The following STYK1 variants were observed in gnomAD, a reference collection of about 807,000 sequenced individuals.
STYK1 encodes tyrosine-protein kinase STYK1.
A neutral mutation model predicts 48.1 loss-of-function variants in STYK1; 46 were observed. The ratio of observed to expected loss-of-function variants is 0.96; its 90% CI spans 0.75 to 1.22. The LOEUF is 1.22. STYK1 is among the 50% of genes most tolerant of loss of function. STYK1 has a pLI of 0.00. For missense variants in STYK1, 527 were observed against 521.1 expected (o/e 1.01, Z -0.11); for synonymous variants, 188 against 189.0 (o/e 0.99, Z 0.04).
intron 1 of STYK1, among the ~76,000 whole-genome samples, chr12:10,645,913 T>C (rs1234144848): frequency 6.6e-6 from 1 of 152,204 alleles, no homozygotes; most frequent in African/African-American, 2.4e-5. Context: ...GGAGTTTCCT[T>C]GCACAAGTTC....
Position 10,654,135 on chromosome 12 carries a change from C to T in STYK1, c.-194-16939G>A, listed in dbSNP as rs923802797. ...TGCTAAGAGACACTCCCACCAGTGT[C>T]CTGACAGTTTACAAATGCCACAGAA... is the stretch of plus-strand genomic sequence containing the variant. On this transcript the variant is annotated intron_variant, in intron 1 of 10. Transcript: ENST00000075503. 2.6e-5 allele frequency among the ~76,000 whole-genome samples: 4 copies of T among 152,310 alleles called. 1 individual carries two copies. In the Middle Eastern group the frequency reaches 0.01, roughly 389 times the overall value.
chr12:10,630,030 G>A (rs1227325206), intron 5 of STYK1, among the ~76,000 whole-genome samples: 1 of 141,026 alleles, frequency 7.1e-6, no homozygotes, highest in African/African-American at 2.9e-5. Context: ...ATATCATGAA[G>A]AGGAGAGAGA....
intron 4 of STYK1, 47 bp downstream of exon 4, chr12:10,633,943 C>T (rs1565563166): frequency 6.3e-7 from 1 of 1,593,968 alleles, no homozygotes; most frequent in South Asian, 1.1e-5. Context: ...TTTTCCTAAT[C>T]TCCATCTTCT....
intron 1 of STYK1, among the ~76,000 whole-genome samples, chr12:10,666,130 A>G (rs1947831356): frequency 6.6e-6 from 1 of 152,196 alleles, no homozygotes; most frequent in Non-Finnish European, 1.5e-5. Context: ...AAGAGGTGTC[A>G]AAGAGCATGT....
rs993916546 is a variant in STYK1, at chr12:10,619,003, G to C, written c.*1141C>G. 1.3e-5 allele frequency: 2 copies of C among 152,208 alleles called. No individual in the cohort carries two copies. The highest frequency in any genetic ancestry group is 3.9e-4 in the East Asian group (2 of 5,188). 9.4% of individuals were successfully genotyped at this position (152,208 alleles called of 1,614,324 possible). ...TAGTGTACAAATACATACTCAAAAC[G>C]TATCAATCCTCAGAACAACCTTGTG... On this transcript the variant is annotated 3_prime_UTR_variant, in exon 11 of 11. Transcript: ENST00000075503.
At chr12:10,647,758 G>A (rs1422535303) in intron 1 of STYK1, among the ~76,000 whole-genome samples, 3 of 152,112 alleles carry the variant, frequency 2.0e-5, no homozygotes, top group Non-Finnish European at 4.4e-5. Context: ...TTGAAACATG[G>A]GGGCAGGTCT....
At chr12:10,630,819 A>T (rs548325219) in intron 5 of STYK1, among the ~76,000 whole-genome samples, 2 of 152,162 alleles carry the variant, frequency 1.3e-5, no homozygotes, top group African/African-American at 4.8e-5. Context: ...TGTAGTAGTC[A>T]TTTTAGTTAT....
intron 1 of STYK1, among the ~76,000 whole-genome samples, chr12:10,650,256 T>A (rs985175087): frequency 6.7e-6 from 1 of 150,212 alleles, no homozygotes; most frequent in African/African-American, 2.4e-5. Flanking sequence ...ATCATCTCCA[T>A]CCAACTGTAG....
chr12:10,620,135 C>T lies in STYK1; in HGVS notation c.*9G>A, dbSNP rs1256749234. 10 of 1,614,072 alleles carry T rather than the reference C, an allele frequency of 6.2e-6. No homozygotes were observed. In the Middle Eastern group the frequency reaches 5.0e-4, roughly 80 times the overall value. ...TACTCATGCATGAATGTTTCTTGCCCGAGACTCTTCAAAGCATGCTATAGT... is the reference window on the plus strand; with the variant it reads ...TACTCATGCATGAATGTTTCTTGCCTGAGACTCTTCAAAGCATGCTATAGT... On this transcript the variant is annotated 3_prime_UTR_variant, in exon 11 of 11. Coordinates refer to ENST00000075503, the MANE Select transcript of STYK1 (RefSeq NM_018423.3).
intron 1 of STYK1, among the ~76,000 whole-genome samples, chr12:10,659,118 C>T (rs1198465738): frequency 6.6e-6 from 1 of 152,176 alleles, no homozygotes; most frequent in Non-Finnish European, 1.5e-5. Flanking sequence ...TCAAACAGAA[C>T]AGGAGTTAAC....
At chr12:10,665,981 A>G (rs1947829944) in intron 1 of STYK1, among the ~76,000 whole-genome samples, 1 of 152,236 alleles carries the variant, frequency 6.6e-6, no homozygotes, top group South Asian at 2.1e-4. Context: ...CAGGGAAGTC[A>G]GGATCAATTT....
chr12:10,666,001 C>T (rs572424987), intron 1 of STYK1, among the ~76,000 whole-genome samples: 38 of 152,300 alleles, frequency 2.5e-4, no homozygotes, highest in African/African-American at 8.7e-4. Context: ...TTCAGCATTC[C>T]GTTTGCCTCT....
chr12:10,653,220 C>T (rs573527385), intron 1 of STYK1, among the ~76,000 whole-genome samples: 55 of 149,370 alleles, frequency 3.7e-4, no homozygotes, highest in Non-Finnish European at 6.4e-4. Context: ...CTACAGGTGC[C>T]CACCACCATG....
In STYK1 at chr12:10,619,781, T is replaced by C. The variant is rs1208432525; in HGVS notation, c.*363A>G. 2 of 397,842 alleles carry C rather than the reference T, an allele frequency of 5.0e-6. No individual in the cohort carries two copies. The highest frequency in any genetic ancestry group is 8.9e-6 in the Non-Finnish European group (2 of 225,498). 24.6% of individuals were successfully genotyped at this position (397,842 alleles called of 1,614,324 possible). On this transcript the variant is annotated 3_prime_UTR_variant, in exon 11 of 11. Coordinates refer to ENST00000075503, the MANE Select transcript of STYK1 (RefSeq NM_018423.3). ...CTATTCCTTCATTTCATTCCAAATT[T>C]TCATCTAGATAAAAATGTGGTTCCA...
In STYK1 at chr12:10,619,876, T is replaced by C. The variant is rs556894690; in HGVS notation, c.*268A>G. 1.8e-6 allele frequency: 1 copy of C among 546,434 alleles called. No individual in the cohort carries two copies. The allele number at this position is 546,434 out of a possible 1,614,324, so 33.8% of individuals were successfully genotyped here. A position where few individuals can be genotyped will look rare whatever the true frequency, so the allele number is the denominator to read the frequency against. On this transcript the variant is annotated 3_prime_UTR_variant, in exon 11 of 11. Coordinates refer to ENST00000075503, the MANE Select transcript of STYK1 (RefSeq NM_018423.3). ...TGCCCCAACAAATACTGCAGAGTTC[T>C]AAAACCTCCTTTGCACAGGTCCACC...
At chr12:10,636,278 T>C (rs1206503519) in intron 2 of STYK1, among the ~76,000 whole-genome samples, 1 of 152,214 alleles carries the variant, frequency 6.6e-6, no homozygotes, top group Non-Finnish European at 1.5e-5. Flanking sequence ...GTTTAATAGT[T>C]AAACAATTCC....
At chr12:10,626,126 C>G (rs1280702701) in intron 7 of STYK1, among the ~76,000 whole-genome samples, 1 of 151,962 alleles carries the variant, frequency 6.6e-6, no homozygotes, top group Non-Finnish European at 1.5e-5. Flanking sequence ...TTTTCTGTGC[C>G]TGGTGAAGCT....
At chr12:10,659,588 G>C in intron 1 of STYK1, among the ~76,000 whole-genome samples, 1 of 130,220 alleles carries the variant, frequency 7.7e-6, no homozygotes, top group Non-Finnish European at 1.7e-5. Flanking sequence ...CAGGAGGCAA[G>C]TTATCTTGTG....
At chr12:10,665,155 ACT>A (rs945376893) in intron 1 of STYK1, among the ~76,000 whole-genome samples, 2 of 152,120 alleles carry the variant, frequency 1.3e-5, no homozygotes, top group Non-Finnish European at 2.9e-5. Flanking sequence ...AGCAGGTTCA[ACT>A]CTCAGTGTCA....
Sources: allele counts gnomAD v4.1 joint callset (sites outside exome capture counted in the v4.1 genomes callset), GRCh38; gene constraint gnomAD v4.1.1; transcripts MANE v1.5; gene names NCBI Gene and HGNC (gene_info 2026-07-23, HGNC 2026-07-21).